HPN: variants seen among roughly 807,000 people sequenced by gnomAD.
HPN encodes serine protease hepsin.
Under a neutral mutation model 55.9 loss-of-function variants are expected in HPN, and 13 were observed. That is an observed-to-expected ratio of 0.23 (90% confidence interval 0.15 to 0.37). HPN has a LOEUF of 0.37. Ranked by LOEUF, HPN falls within the 10% of genes least tolerant of loss-of-function variation. HPN has a pLI of 1.00. For missense variants in HPN, 451 were observed against 575.8 expected (o/e 0.78, Z 2.22); for synonymous variants, 225 against 240.3 (o/e 0.94, Z 0.59).
intron 2 of HPN, among the ~76,000 whole-genome samples, chr19:35,048,490 T>C (rs995560686): frequency 2.0e-5 from 3 of 152,260 alleles, no homozygotes; most frequent in African/African-American, 7.2e-5. Context: ...TTATTATTTT[T>C]AGAAGTAGGT....
chr19:35,048,012 AAGAG>A (rs1209132900), intron 2 of HPN, among the ~76,000 whole-genome samples: 18 of 102,386 alleles, frequency 1.8e-4, no homozygotes, highest in Non-Finnish European at 2.7e-4. Context: ...AAGAAAAAGA[AAGAG>A]AGAGAGAGAG....
At position 35,060,471 on chromosome 19, in the gene HPN, C is replaced by G. The variant is rs776297161; in HGVS notation, c.579C>G (p.Leu193=). The G allele has an allele frequency of 1.9e-6, 3 of 1,613,402 alleles. No homozygotes were observed. Among genetic ancestry groups the G allele is most frequent in the African/African-American group, 1.3e-5 (1 of 75,080 alleles). The change falls in exon 8 of 13, where the codon CTC becomes CTG. Residue 193 remains leucine (L), a synonymous_variant. Coordinates refer to ENST00000672452, the MANE Select transcript of HPN (RefSeq NM_001384133.1). ...DGAHLCGGSL[L]SGDWVLTAAH... ...CACACCTCTGTGGGGGATCCCTGCT[C>G]TCCGGGGACTGGGTGCTGACAGCCG... is the stretch of plus-strand genomic sequence containing the variant.
intron 2 of HPN, among the ~76,000 whole-genome samples, chr19:35,047,056 C>G (rs915427896): frequency 3.3e-4 from 50 of 152,218 alleles, no homozygotes; most frequent in Admixed American, 3.2e-3. Context: ...TCTCGATCTC[C>G]TGACCTCGTG....
intron 2 of HPN, among the ~76,000 whole-genome samples, chr19:35,043,933 C>T (rs772791814): frequency 6.6e-6 from 1 of 152,180 alleles, no homozygotes; most frequent in Non-Finnish European, 1.5e-5. Context: ...CTGGCAGCTC[C>T]GGGCTGGTCT....
chr19:35,041,006 G>A (rs2064288004), upstream of HPN, among the ~76,000 whole-genome samples: 1 of 152,222 alleles, frequency 6.6e-6, no homozygotes, highest in African/African-American at 2.4e-5. Flanking sequence ...TGCACGTCTG[G>A]TGTTTACCTG....
At chr19:35,047,983 C>T (rs924366583) in intron 2 of HPN, among the ~76,000 whole-genome samples, 2 of 132,956 alleles carry the variant, frequency 1.5e-5, no homozygotes, top group African/African-American at 5.6e-5. Flanking sequence ...CAGTGAAACC[C>T]TGTCTCAAAA....
chr19:35,041,437 G>C (rs927030290), upstream of HPN, among the ~76,000 whole-genome samples: 1 of 152,060 alleles, frequency 6.6e-6, no homozygotes, highest in Non-Finnish European at 1.5e-5. Context: ...TAGGGCAGCT[G>C]GGGCCCTCCA....
chr19:35,059,525 A>G, intron 4 of HPN, 148 bp from the exon 5 acceptor site: 1 of 974,442 alleles, frequency 1.0e-6, no homozygotes, highest in Non-Finnish European at 1.6e-6. Flanking sequence ...ATGCAATCGC[A>G]GATGTGGGGG....
intron 4 of HPN, chr19:35,050,368 C>T (rs1048246962): frequency 7.8e-6 from 4 of 511,714 alleles, no homozygotes; most frequent in Middle Eastern, 5.5e-4. Flanking sequence ...GTGATCCACC[C>T]GCCTCGGCCT....
intron 2 of HPN, among the ~76,000 whole-genome samples, chr19:35,048,056 GAAA>G (rs2064362175): frequency 5.8e-5 from 3 of 52,156 alleles, no homozygotes; most frequent in African/African-American, 3.0e-4. Context: ...AAGAAAGAAA[GAAA>G]GAAAGAAAGA....
chr19:35,066,123 G>A (rs770054076), intron 12 of HPN, 91 bp downstream of exon 12: 24 of 1,612,528 alleles, frequency 1.5e-5, no homozygotes, highest in African/African-American at 1.3e-4. Flanking sequence ...GGAAACCTAC[G>A]CTCAGGCCTA....
chr19:35,064,056 G>T (rs1430795237), intron 9 of HPN, among the ~76,000 whole-genome samples: 1 of 152,180 alleles, frequency 6.6e-6, no homozygotes, highest in African/African-American at 2.4e-5. Flanking sequence ...GCAACTCAAT[G>T]ACTCACCAAT....
upstream of HPN, chr19:35,041,593 C>A: frequency 7.9e-6 from 9 of 1,144,570 alleles, no homozygotes; most frequent in Non-Finnish European, 9.8e-6. Flanking sequence ...AGCCCCGTAG[C>A]TGGGCCCGCC....
chr19:35,042,139 A>C, intron 1 of HPN: 1 of 1,130,210 alleles, frequency 8.8e-7, no homozygotes, highest in South Asian at 2.1e-5. Flanking sequence ...CTGGCCCCCA[A>C]ATTCCTCCTT....
At chr19:35,047,108 G>T (rs553112326) in intron 2 of HPN, among the ~76,000 whole-genome samples, 1 of 152,148 alleles carries the variant, frequency 6.6e-6, no homozygotes, top group Non-Finnish European at 1.5e-5. Context: ...GATTACAGGC[G>T]TGAGCCACCG....
Position 35,065,158 on chromosome 19 carries a change from G to T in HPN, c.812-92G>T, listed in dbSNP as rs2064589650. 3 of 791,128 alleles carry T rather than the reference G, an allele frequency of 3.8e-6. No homozygotes were observed. The African/African-American group carries it at 5.2e-5, about 14-fold the overall frequency. The allele number at this position is 791,128 out of a possible 1,614,324, so 49.0% of individuals were successfully genotyped here. On this transcript the variant is annotated intron_variant, in intron 9 of 12. Coordinates refer to ENST00000672452, the MANE Select transcript of HPN (RefSeq NM_001384133.1). Reference sequence around the variant, plus strand: ...TTTTTTTAAAGAACAGAGAGGGCAGGGTGTGTTAGGGGCCATGGTAGCAGC... The same window carrying T: ...TTTTTTTAAAGAACAGAGAGGGCAGTGTGTGTTAGGGGCCATGGTAGCAGC...
intron 2 of HPN, among the ~76,000 whole-genome samples, chr19:35,044,224 G>C (rs927834969): frequency 6.6e-6 from 1 of 152,230 alleles, no homozygotes. Context: ...GGCTGCAGCG[G>C]CTGCTGTTGT....
chr19:35,051,468 ACTC>A (rs538242499), intron 4 of HPN, among the ~76,000 whole-genome samples: 2 of 151,518 alleles, frequency 1.3e-5, no homozygotes, highest in East Asian at 3.9e-4. Flanking sequence ...CTGATCTTGA[ACTC>A]CTGAGCTCAA....
At chr19:35,042,262 C>A in intron 1 of HPN, 191 bp from the exon 2 acceptor site, 1 of 1,346,134 alleles carries the variant, frequency 7.4e-7, no homozygotes, top group Non-Finnish European at 9.5e-7. Context: ...CAAATCCAGG[C>A]GTCCCCCCGC....
Sources: gnomAD v4.1 joint callset for allele counts (sites outside exome capture counted in the v4.1 genomes callset) on GRCh38, gnomAD v4.1.1 for gene constraint, MANE v1.5 for transcripts, NCBI Gene and HGNC (gene_info 2026-07-23, HGNC 2026-07-21) for gene names.